MRPL34: variants seen among roughly 807,000 people sequenced by gnomAD.
MRPL34 encodes the protein large ribosomal subunit protein bL34m.
MRPL34 carries 8 observed loss-of-function variants against 6.7 expected under a neutral mutation model. The ratio of observed to expected loss-of-function variants is 1.20; its 90% CI spans 0.70 to 2.16. The LOEUF (loss-of-function observed/expected upper bound fraction) is 2.16, where lower values mean the gene tolerates loss of function less well. MRPL34 is among the 30% of genes most tolerant of loss of function. MRPL34 has a pLI of 0.00. For synonymous variants in MRPL34, 59 were observed against 55.1 expected, an observed-to-expected ratio of 1.07 and a Z score of -0.31; for missense variants, 146 against 125.5, an observed-to-expected ratio of 1.16 and a Z score of -0.78.
At chr19:17,293,609 C>T (rs2074080532) in intron 1 of MRPL34, among the ~76,000 whole-genome samples, 1 of 152,008 alleles carries the variant, frequency 6.6e-6, no homozygotes, top group Non-Finnish European at 1.5e-5. Context: ...AAAAATGTCT[C>T]CATGCATTTC....
chr19:17,303,960 A>C (rs2074134011), upstream of MRPL34, among the ~76,000 whole-genome samples: 11 of 145,876 alleles, frequency 7.5e-5, no homozygotes, highest in South Asian at 2.2e-4. Flanking sequence ...CCTCCCCCCT[A>C]CGCCCCCCCC....
At chr19:17,306,103 G>A (rs1258226932) in intron 1 of MRPL34, 63 bp from the exon 2 acceptor site, 1 of 1,494,536 alleles carries the variant, frequency 6.7e-7, no homozygotes, top group Middle Eastern at 2.3e-4. Context: ...GCTCAGAGAG[G>A]TTGAGCGCCA....
upstream of MRPL34, chr19:17,301,757 G>A: frequency 2.8e-6 from 3 of 1,072,292 alleles, no homozygotes; most frequent in Non-Finnish European, 3.8e-6. Flanking sequence ...AGTGAGCCAC[G>A]GCACTGAGAT....
upstream of MRPL34, chr19:17,303,035 G>T (rs1199486428): frequency 1.3e-5 from 2 of 152,204 alleles, no homozygotes; most frequent in Non-Finnish European, 2.9e-5. Flanking sequence ...CCGGATTGTG[G>T]AGGGCAACGC....
intron 1 of MRPL34, chr19:17,294,504 C>G: frequency 6.2e-7 from 1 of 1,613,782 alleles, no homozygotes; most frequent in South Asian, 1.1e-5. Flanking sequence ...CGAAGCCGGC[C>G]CTGGTGGTGG....
upstream of MRPL34, chr19:17,301,424 A>G (rs2074117932): frequency 6.2e-7 from 1 of 1,612,018 alleles, no homozygotes; most frequent in Non-Finnish European, 8.5e-7. Context: ...GCTGCATCCG[A>G]GGATGCGGAT....
chr19:17,301,589 A>G, upstream of MRPL34: 1 of 1,576,066 alleles, frequency 6.3e-7, no homozygotes. Flanking sequence ...AGGCAACAGA[A>G]GATACCGTCG....
intron 1 of MRPL34, chr19:17,294,522 A>G (rs1220959719): frequency 1.9e-6 from 3 of 1,613,516 alleles, no homozygotes; most frequent in Non-Finnish European, 2.5e-6. Context: ...TGGTGGAGGC[A>G]CCGCTAGAGC....
chr19:17,294,808 C>G (rs368686278), intron 1 of MRPL34: 1 of 1,614,194 alleles, frequency 6.2e-7, no homozygotes, highest in Non-Finnish European at 8.5e-7. Context: ...TGCACTAGGT[C>G]TGGGTACTCA....
Position 17,306,743 on chromosome 19 carries a change from G to T in MRPL34, c.*364G>T. ...CAGAATGTATCTCTCCAAGATGAGA[G>T]CTCATTAAAAGACAATTACAAAGCT... On this transcript the variant is annotated 3_prime_UTR_variant, in exon 2 of 2. Transcript: ENST00000252602. The T allele has an allele frequency of 5.8e-6, 1 of 172,994 alleles. No individual in the cohort carries two copies. The highest frequency in any genetic ancestry group is 1.2e-5 in the Non-Finnish European group (1 of 81,948). The allele number at this position is 172,994 out of a possible 1,614,324, so 10.7% of individuals were successfully genotyped here. A position where few individuals can be genotyped will look rare whatever the true frequency, so the allele number is the denominator to read the frequency against.
upstream of MRPL34, chr19:17,301,770 T>TTTTG (rs1555721091): frequency 1.1e-6 from 1 of 907,410 alleles, no homozygotes; most frequent in South Asian, 2.2e-5. Context: ...ACTGAGATTT[T>TTTTG]TTTGTTTGTG....
intron 1 of MRPL34, 93 bp from the exon 2 acceptor site, chr19:17,306,073 C>G: frequency 1.3e-6 from 2 of 1,524,234 alleles, no homozygotes; most frequent in Non-Finnish European, 1.8e-6. Context: ...TGCAGCCAGG[C>G]TCTGTCTCCG....
At chr19:17,300,134 G>A, upstream of MRPL34, among the ~76,000 whole-genome samples, 1 of 151,928 alleles carries the variant, frequency 6.6e-6, no homozygotes, top group Admixed American at 6.6e-5. Context: ...TCAATCTTCT[G>A]ACCTCGTGAT....
rs1235597932 is a variant in MRPL34, at chr19:17,306,150, C to G, written c.66-16C>G. The G allele has an allele frequency of 6.6e-7, 1 of 1,513,316 alleles. No individual in the cohort carries two copies. Among genetic ancestry groups the G allele is most frequent in the African/African-American group, 1.4e-5 (1 of 71,114 alleles). 93.7% of individuals were successfully genotyped at this position (1,513,316 alleles called of 1,614,324 possible). ...CGCCCCGTCTGACCTTTCTCGCCGTCCCTCTACCCACGCAGGTGGCTCCAG... is the reference window on the plus strand; with the variant it reads ...CGCCCCGTCTGACCTTTCTCGCCGTGCCTCTACCCACGCAGGTGGCTCCAG... On this transcript the variant is annotated splice_polypyrimidine_tract_variant and intron_variant, in intron 1 of 1. Transcript: ENST00000252602.
rs772428928 is a variant in MRPL34 at position 17,305,920 on chromosome 19, G to A, written c.28G>A (p.Gly10Ser). ...GGCTGTCTTGGCTGGATCCCTGTTGGGCCCCACGAGTAGGTCGGCAGCGTT... is the reference window on the plus strand; with the variant it reads ...GGCTGTCTTGGCTGGATCCCTGTTGAGCCCCACGAGTAGGTCGGCAGCGTT... The part of the protein sequence containing the change: MAVLAGSLL[G>S]PTSRSAALLG... Residue 10 changes from glycine (G) to serine (S), a missense_variant, in exon 1 of 2, where the codon GGC (glycine) becomes AGC (serine). By Grantham distance (56) the Gly-to-Ser change is moderately conservative. Transcript: ENST00000252602. 1.9e-6 allele frequency: 3 copies of A among 1,614,080 alleles called. No individual in the cohort carries two copies. The highest frequency in any genetic ancestry group is 2.2e-5 in the South Asian group (2 of 91,086).
rs2074149485 is a variant in MRPL34 at position 17,306,466 on chromosome 19, G to A, written c.*87G>A. ...GGCGCTATTTTTGCAGGGAGCTGGG[G>A]AGCAGGAACGCCTCGGACCTGAGTG... is the stretch of plus-strand genomic sequence containing the variant. On this transcript the variant is annotated 3_prime_UTR_variant, in exon 2 of 2. Coordinates refer to ENST00000252602, the MANE Select transcript of MRPL34 (RefSeq NM_023937.4). 2 of 1,246,582 alleles carry A rather than the reference G, an allele frequency of 1.6e-6. No individual in the cohort carries two copies. The highest frequency in any genetic ancestry group is 2.6e-5 in the East Asian group (1 of 38,942). The allele number at this position is 1,246,582 out of a possible 1,614,324, so 77.2% of individuals were successfully genotyped here.
chr19:17,294,088 T>G (rs935268836), intron 1 of MRPL34, among the ~76,000 whole-genome samples: 1 of 152,128 alleles, frequency 6.6e-6, no homozygotes, highest in East Asian at 1.9e-4. Context: ...ATTCTACTTC[T>G]GATGCTAGAC....
intron 1 of MRPL34, chr19:17,294,948 C>G (rs1027998565): frequency 1.2e-5 from 16 of 1,371,102 alleles, no homozygotes; most frequent in African/African-American, 2.9e-5. Flanking sequence ...TTGTTTGAGA[C>G]AGTTTTACTC....
intron 1 of MRPL34, chr19:17,294,666 G>C: frequency 6.2e-7 from 1 of 1,613,108 alleles, no homozygotes. Context: ...TTGGGGTGGG[G>C]ACACTCACTT....
Sources: gnomAD v4.1 joint callset for allele counts (sites outside exome capture counted in the v4.1 genomes callset) on GRCh38, gnomAD v4.1.1 for gene constraint, MANE v1.5 for transcripts, NCBI Gene and HGNC (gene_info 2026-07-23, HGNC 2026-07-21) for gene names.